Variants in NF1 observed in about 807,000 individuals in gnomAD.
NF1 encodes neurofibromin 1.
A neutral mutation model predicts 325.7 loss-of-function variants in NF1; 122 were observed. The ratio of observed to expected loss-of-function variants is 0.37; its 90% CI spans 0.32 to 0.44. The LOEUF (loss-of-function observed/expected upper bound fraction) is 0.44, where lower values mean the gene tolerates loss of function less well. NF1 is among the 20% of genes least tolerant of loss of function. The probability of loss-of-function intolerance (pLI) is 1.00; values close to 1 mark genes in which losing one functional copy is unlikely to be tolerated. For missense variants in NF1, 2,140 were observed against 3,415.4 expected, an observed-to-expected ratio of 0.63 and a Z score of 9.31; for synonymous variants, 1,091 against 1,186.0, an observed-to-expected ratio of 0.92 and a Z score of 1.65.
At chr17:31,129,940 C>T (rs1056505036) in intron 1 of NF1, among the ~76,000 whole-genome samples, 1 of 152,134 alleles carries the variant, frequency 6.6e-6, no homozygotes, top group Non-Finnish European at 1.5e-5. Flanking sequence ...CAGTTCAGAA[C>T]CCTTGCCGGA....
intron 8 of NF1, among the ~76,000 whole-genome samples, chr17:31,188,207 T>C (rs563193599): frequency 1.3e-5 from 2 of 152,278 alleles, no homozygotes; most frequent in African/African-American, 4.8e-5. Flanking sequence ...ACAGAATGGC[T>C]AGTAGAAGAA....
chr17:31,217,906 A>G (rs546901472), intron 13 of NF1, among the ~76,000 whole-genome samples: 7 of 148,364 alleles, frequency 4.7e-5, no homozygotes, highest in African/African-American at 1.7e-4. Flanking sequence ...CAGAGGTTGC[A>G]GTGAGCCGAG....
Position 31,336,082 on chromosome 17 carries a change from G to A in NF1, c.6007-251G>A, listed in dbSNP as rs768820411. On this transcript the variant is annotated intron_variant, in intron 40 of 57. Transcript: ENST00000358273. The surrounding 1 kb of genome is among the most constrained non-coding windows in gnomAD (Gnocchi z 5.5). ...TTTGCAAGTGACTGAAGATAGTATTGATAGAGATTTAAAATTTTTGAATAC... is the reference window on the plus strand; with the variant it reads ...TTTGCAAGTGACTGAAGATAGTATTAATAGAGATTTAAAATTTTTGAATAC... Among the ~76,000 whole-genome samples the A allele has an allele frequency of 9.2e-5, 14 of 152,032 alleles. No individual in the cohort carries two copies. The highest frequency in any genetic ancestry group is 1.9e-4 in the Non-Finnish European group (13 of 68,016).
At position 31,155,998 on chromosome 17, in the gene NF1, G is replaced by A. The variant is rs778973022; in HGVS notation, c.76G>A (p.Gly26Arg). ...TTTTTTTCAGCTTCCAATAAAAACA[G>A]GACAGCAGAACACACATACCAAAGT... ...RFDEQLPIKT[G>R]QQNTHTKVST... The change falls in exon 2 of 58, where the codon GGA becomes AGA. Residue 26 changes from glycine (G) to arginine (R), a missense_variant. By Grantham distance (125) the Gly-to-Arg change is moderately radical. This residue lies in a region of NF1 where 246 missense variants were observed against 347.8 expected (regional missense o/e 0.71). Coordinates refer to ENST00000358273, the MANE Select transcript of NF1 (RefSeq NM_001042492.3). 1 of 1,612,672 alleles carries A rather than the reference G, an allele frequency of 6.2e-7. No individual in the cohort carries two copies. Among genetic ancestry groups the A allele is most frequent in the Admixed American group, 1.7e-5 (1 of 59,894 alleles).
rs893023655 is a variant in NF1, at chr17:31,218,167, C to T, written c.1528-838C>T. ...GCAATCCTTATCCAACATGTATGTCCTTTACCTTTGATCACAATCATGTAT... is the reference window on the plus strand; with the variant it reads ...GCAATCCTTATCCAACATGTATGTCTTTTACCTTTGATCACAATCATGTAT... On this transcript the variant is annotated intron_variant, in intron 13 of 57. Transcript: ENST00000358273. Among the ~76,000 whole-genome samples the T allele has an allele frequency of 7.9e-5, 12 of 152,122 alleles. 1 individual carries two copies. Among genetic ancestry groups the T allele is most frequent in the Admixed American group, 7.2e-4 (11 of 15,274 alleles).
At position 31,230,297 on chromosome 17, in the gene NF1, C is replaced by G. The variant is rs2151431557; in HGVS notation, c.3028C>G (p.Gln1010Glu). The G allele has an allele frequency of 6.2e-7, 1 of 1,601,956 alleles. No individual in the cohort carries two copies. The highest frequency in any genetic ancestry group is 8.5e-7 in the Non-Finnish European group (1 of 1,172,714). The change falls in exon 23 of 58, where the codon CAA becomes GAA. Residue 1010 changes from glutamine to glutamate, a missense_variant. This residue lies in a region of NF1 where 380 missense variants were observed against 639.3 expected (regional missense o/e 0.59). Coordinates refer to ENST00000358273, the MANE Select transcript of NF1 (RefSeq NM_001042492.3). ...GCTTGGGAATATGGTCCATGCAATTCAAATAAAAACGAAACTGTGTCAATT... is the reference window on the plus strand; with the variant it reads ...GCTTGGGAATATGGTCCATGCAATTGAAATAAAAACGAAACTGTGTCAATT... Reference protein sequence around the residue: ...RVLGNMVHAIQIKTKLCQLVE... With the variant: ...RVLGNMVHAIEIKTKLCQLVE...
intron 35 of NF1, among the ~76,000 whole-genome samples, chr17:31,264,722 C>T (rs2067755304): frequency 6.6e-6 from 1 of 152,150 alleles, no homozygotes; most frequent in African/African-American, 2.4e-5. Context: ...GGCTTTAATA[C>T]ATATGGGAAC....
chr17:31,347,109 C>T (rs1272286906), intron 48 of NF1, among the ~76,000 whole-genome samples: 1 of 150,972 alleles, frequency 6.6e-6, no homozygotes, highest in African/African-American at 2.4e-5. Context: ...AAGTATTTAG[C>T]TACATAAATG....
intron 14 of NF1, among the ~76,000 whole-genome samples, chr17:31,220,046 C>T (rs1190829475): frequency 1.3e-5 from 2 of 152,120 alleles, no homozygotes; most frequent in Admixed American, 1.3e-4. Flanking sequence ...GTGGACATAT[C>T]TCTTAAGTAT....
intron 14 of NF1, among the ~76,000 whole-genome samples, chr17:31,219,522 G>A (rs2066885660): frequency 6.6e-6 from 1 of 151,042 alleles, no homozygotes; most frequent in Admixed American, 6.6e-5. Flanking sequence ...TAGGTTACAT[G>A]CGCACAATGT....
chr17:31,136,638 G>C (rs1305831674), intron 1 of NF1: 1 of 152,118 alleles, frequency 6.6e-6, no homozygotes, highest in Non-Finnish European at 1.5e-5. Context: ...TCATTTATCA[G>C]ATTGACTGTC....
intron 1 of NF1, among the ~76,000 whole-genome samples, chr17:31,112,901 T>C (rs1414591177): frequency 6.6e-6 from 1 of 152,170 alleles, no homozygotes; most frequent in African/African-American, 2.4e-5. Flanking sequence ...TGTGGCTCAT[T>C]TTTAGTTAAT....
chr17:31,187,077 A>G (rs2066253385), intron 8 of NF1, among the ~76,000 whole-genome samples: 1 of 152,192 alleles, frequency 6.6e-6, no homozygotes, highest in Admixed American at 6.5e-5. Flanking sequence ...ATTACCATGC[A>G]TGGGCTCACC....
intron 36 of NF1, among the ~76,000 whole-genome samples, chr17:31,286,497 A>G (rs1367011021): frequency 2.0e-5 from 3 of 152,248 alleles, no homozygotes; most frequent in Admixed American, 6.5e-5. Context: ...CAAGAGACTC[A>G]TAATACTTTA....
Position 31,337,476 on chromosome 17 carries a change from G to T in NF1, c.6536G>T (p.Arg2179Leu), listed in dbSNP as rs772639479. 1 of 1,614,028 alleles carries T rather than the reference G, an allele frequency of 6.2e-7. No homozygotes were observed. The highest frequency in any genetic ancestry group is 8.5e-7 in the Non-Finnish European group (1 of 1,179,992). ...KVKSAAVIAFRSSYRDRSFSP... is the reference protein window; with the variant it reads ...KVKSAAVIAFLSSYRDRSFSP... ...AAGTCAGCTGCTGTCATTGCCTTCC[G>T]TTCCAGTTACCGGGACAGGTCATTC... Residue 2179 changes from arginine (R) to leucine (L), a missense_variant, in exon 43 of 58, where the codon CGT becomes CTT. By Grantham distance (102) the Arg-to-Leu change is moderately radical (BLOSUM62 -2). Coordinates refer to ENST00000358273, the MANE Select transcript of NF1 (RefSeq NM_001042492.3).
chr17:31,171,655 G>T (rs2065930017), intron 5 of NF1, among the ~76,000 whole-genome samples: 1 of 152,158 alleles, frequency 6.6e-6, no homozygotes, highest in Non-Finnish European at 1.5e-5. Context: ...TAAATTTAGA[G>T]TATATGCTGA....
At chr17:31,212,217 G>A (rs2066740339) in intron 12 of NF1, among the ~76,000 whole-genome samples, 1 of 152,134 alleles carries the variant, frequency 6.6e-6, no homozygotes, top group Admixed American at 6.5e-5. Flanking sequence ...CCTACATGGG[G>A]TCAAGATCAT....
At chr17:31,314,910 A>C (rs2068981355) in intron 36 of NF1, among the ~76,000 whole-genome samples, 1 of 152,122 alleles carries the variant, frequency 6.6e-6, no homozygotes, top group Non-Finnish European at 1.5e-5. Context: ...ACTGATTTAC[A>C]TTCCCACTAA....
At chr17:31,341,725 G>A (rs908596120) in intron 47 of NF1, among the ~76,000 whole-genome samples, 3 of 151,586 alleles carry the variant, frequency 2.0e-5, no homozygotes, top group South Asian at 4.2e-4. Flanking sequence ...ATGTGTGTGT[G>A]TATATATATA....
Sources: gnomAD v4.1 joint callset for allele counts (sites outside exome capture counted in the v4.1 genomes callset) on GRCh38, gnomAD v4.1.1 for gene constraint, gnomAD v4.1.1 regional missense constraint, Gnocchi (gnomAD v3.1) non-coding constraint, MANE v1.5 for transcripts, NCBI Gene and HGNC (gene_info 2026-07-23, HGNC 2026-07-21) for gene names.